The following ABLIM1 variants were observed in gnomAD, a reference collection of about 807,000 sequenced individuals.
ABLIM1 encodes actin binding LIM protein 1.
In ABLIM1, 40 loss-of-function variants were observed where a neutral mutation model predicts 107.0. That is an observed-to-expected ratio of 0.37 (90% CI 0.29 to 0.49). The LOEUF (loss-of-function observed/expected upper bound fraction) is 0.49, where lower values mean the gene tolerates loss of function less well. Ranked by LOEUF, ABLIM1 falls within the 20% of genes least tolerant of loss-of-function variation. ABLIM1 has a pLI of 0.97. For synonymous variants in ABLIM1, 357 were observed against 357.3 expected, an observed-to-expected ratio of 1.00 and a Z score of 0.01; for missense variants, 857 against 1,008.5, an observed-to-expected ratio of 0.85 and a Z score of 2.04.
chr10:114,739,179 G>A (rs533614291), intron 1 of ABLIM1, among the ~76,000 whole-genome samples: 1 of 152,326 alleles, frequency 6.6e-6, no homozygotes, highest in South Asian at 2.1e-4. Flanking sequence ...TCTTTCTCTA[G>A]TTTCCGATGT....
the ABLIM1 span, among the ~76,000 whole-genome samples, chr10:114,773,445 G>A: frequency 1.3e-5 from 2 of 152,194 alleles, no homozygotes; most frequent in East Asian, 3.8e-4. Flanking sequence ...GAATAGGCCA[G>A]GCGCGGTGGC....
chr10:114,465,927 T>C (rs759058718), intron 11 of ABLIM1, 100 bp from the exon 12 acceptor site: 15 of 1,344,598 alleles, frequency 1.1e-5, no homozygotes, highest in Non-Finnish European at 1.4e-5. Flanking sequence ...CTTGTTTATA[T>C]ATATTTGATT....
At chr10:114,648,379 G>A (rs908412934) in intron 1 of ABLIM1, among the ~76,000 whole-genome samples, 6 of 152,134 alleles carry the variant, frequency 3.9e-5, no homozygotes, top group Admixed American at 1.3e-4. Flanking sequence ...AAATGCTACC[G>A]CCTCGATGAG....
intron 2 of ABLIM1, chr10:114,594,929 A>C (rs1385180088): frequency 6.6e-6 from 1 of 152,224 alleles, no homozygotes. Flanking sequence ...ACTCTCTAGT[A>C]GGAGGTGAAG....
At chr10:114,602,405 A>G (rs2076086074) in intron 1 of ABLIM1, among the ~76,000 whole-genome samples, 1 of 152,100 alleles carries the variant, frequency 6.6e-6, no homozygotes, top group Non-Finnish European at 1.5e-5. Flanking sequence ...CACCAGTTGT[A>G]TTTCTCCCTC....
the ABLIM1 span, among the ~76,000 whole-genome samples, chr10:114,781,847 T>C: frequency 1.3e-5 from 2 of 151,948 alleles, no homozygotes; most frequent in Non-Finnish European, 2.9e-5. Flanking sequence ...ACCAATTAAA[T>C]TGCCAAAATC....
At chr10:114,520,641 T>C (rs1461213450) in intron 6 of ABLIM1, among the ~76,000 whole-genome samples, 1 of 151,562 alleles carries the variant, frequency 6.6e-6, no homozygotes, top group East Asian at 1.9e-4. Context: ...ATCAATGACG[T>C]CCTATCGGTT....
chr10:114,526,629 C>T lies in ABLIM1; in HGVS notation c.894+18376G>A, dbSNP rs545321676. On this transcript the variant is annotated intron_variant, in intron 6 of 22. Coordinates refer to ENST00000533213, the MANE Select transcript of ABLIM1 (RefSeq NM_002313.7). The stretch of plus-strand genomic sequence containing the variant: ...CACATCTGCCACGCAAAGCAAAGGA[C>T]ATAGGTCACCTTGTGCAATGTCCGC... The T allele has an allele frequency of 1.4e-4, 141 of 985,530 alleles. No individual in the cohort carries two copies. The African/African-American group carries it at 2.3e-3, about 16-fold the overall frequency. 61.0% of individuals were successfully genotyped at this position (985,530 alleles called of 1,614,324 possible). A position where few individuals can be genotyped will look rare whatever the true frequency, so the allele number is the denominator to read the frequency against.
intron 1 of ABLIM1, among the ~76,000 whole-genome samples, chr10:114,603,604 G>C (rs566979790): frequency 4.7e-5 from 7 of 150,378 alleles, no homozygotes; most frequent in Non-Finnish European, 1.0e-4. Context: ...AAAGTGATGT[G>C]TATGAAGGCC....
At chr10:114,766,212 G>A (rs907922392) in intron 1 of ABLIM1, among the ~76,000 whole-genome samples, 1 of 152,182 alleles carries the variant, frequency 6.6e-6, no homozygotes, top group Admixed American at 6.5e-5. Context: ...ATTAAATAAT[G>A]TAACACATGT....
At chr10:114,782,470 G>A in the ABLIM1 span, among the ~76,000 whole-genome samples, 1 of 152,116 alleles carries the variant, frequency 6.6e-6, no homozygotes, top group Non-Finnish European at 1.5e-5. Flanking sequence ...GTGAGATGGA[G>A]GGCAAGCCTG....
chr10:114,609,511 T>C (rs1282535386), intron 1 of ABLIM1, among the ~76,000 whole-genome samples: 1 of 152,254 alleles, frequency 6.6e-6, no homozygotes, highest in Non-Finnish European at 1.5e-5. Flanking sequence ...TTGTGTTTCT[T>C]TTGCTTTTAT....
the ABLIM1 span, among the ~76,000 whole-genome samples, chr10:114,780,799 C>T: frequency 0.052 from 7,901 of 152,124 alleles, 678 homozygotes; most frequent in African/African-American, 0.18. Context: ...TAAAACAAGG[C>T]CTAGGAGTTT....
chr10:114,542,497 A>T (rs2066810655), intron 6 of ABLIM1, among the ~76,000 whole-genome samples: 1 of 151,688 alleles, frequency 6.6e-6, no homozygotes, highest in Non-Finnish European at 1.5e-5. Flanking sequence ...TGAAAGAAGA[A>T]GGAAGAAAGA....
rs370541845 is a variant in ABLIM1 at position 114,547,682 on chromosome 10, G to A, written c.768C>T (p.Cys256=). ...WHLGCFKCKS[C]GKVLTGEYIS... is the part of the protein sequence containing the mutation. ...TGTACTCCCCGGTGAGGACCTTCCC[G>A]CAGGACTTGCATTTAAAGCACCCCA... is the stretch of plus-strand genomic sequence containing the variant. Residue 256 remains cysteine (C), a synonymous_variant, in exon 5 of 23, where the codon TGC becomes TGT. Transcript: ENST00000533213. The A allele has an allele frequency of 2.5e-6, 4 of 1,613,584 alleles. No homozygotes were observed. In the African/African-American group the frequency reaches 4.0e-5, roughly 16 times the overall value.
chr10:114,711,933 C>T lies in ABLIM1; in HGVS notation c.-213+56128G>A, dbSNP rs189927579. ...TCAAGGGAGCCGTTGCTGTAGCCAT[C>T]GGGGTTAGTCTCTAGGAGCACAGCA... On this transcript the variant is annotated intron_variant, in intron 1 of 15. Transcript: ENST00000651092. Among the ~76,000 whole-genome samples the T allele has an allele frequency of 1.2e-4, 18 of 152,238 alleles. 3 individuals are homozygous for T. The highest frequency in any genetic ancestry group is 9.2e-4 in the Admixed American group (14 of 15,294).
At chr10:114,543,532 CCTG>C (rs1475984840) in intron 6 of ABLIM1, among the ~76,000 whole-genome samples, 1 of 152,212 alleles carries the variant, frequency 6.6e-6, no homozygotes, top group African/African-American at 2.4e-5. Flanking sequence ...TATCCATTCA[CCTG>C]CTGATGGACA....
At chr10:114,632,637 C>T (rs940211633) in intron 1 of ABLIM1, 23 of 985,226 alleles carry the variant, frequency 2.3e-5, no homozygotes, top group African/African-American at 3.5e-5. Flanking sequence ...GAGAGACAGC[C>T]GGGGAAGAGG....
At chr10:114,652,873 C>T (rs890891101) in intron 1 of ABLIM1, among the ~76,000 whole-genome samples, 1 of 152,206 alleles carries the variant, frequency 6.6e-6, no homozygotes, top group African/African-American at 2.4e-5. Context: ...ATACAGACAG[C>T]TTGTATTTAC....
Sources: allele counts gnomAD v4.1 joint callset (sites outside exome capture counted in the v4.1 genomes callset), GRCh38; gene constraint gnomAD v4.1.1; transcripts MANE v1.5; gene names NCBI Gene and HGNC (gene_info 2026-07-23, HGNC 2026-07-21).